The following SLCO2B1 variants were observed in gnomAD, a reference collection of about 807,000 sequenced individuals.
SLCO2B1 encodes the protein solute carrier organic anion transporter family member 2B1, also known as OATP-RP2.
SLCO2B1 carries 41 observed loss-of-function variants against 67.3 expected under a neutral mutation model. That is an observed-to-expected ratio of 0.61 (90% CI 0.47 to 0.79). The LOEUF (loss-of-function observed/expected upper bound fraction) is 0.79. SLCO2B1 is among the 30% of genes least tolerant of loss of function. The pLI is 0.00. For missense variants in SLCO2B1, 837 were observed against 920.1 expected (o/e 0.91, Z 1.17); for synonymous variants, 379 against 381.4 (o/e 0.99, Z 0.07).
At chr11:75,192,838 G>A (rs1945043200) in intron 8 of SLCO2B1, among the ~76,000 whole-genome samples, 3 of 152,152 alleles carry the variant, frequency 2.0e-5, no homozygotes, top group Admixed American at 2.0e-4. Context: ...TTGGGGCCTA[G>A]GGTTCGAGAG....
intron 1 of SLCO2B1, among the ~76,000 whole-genome samples, chr11:75,153,574 G>C (rs989510177): frequency 3.3e-5 from 5 of 152,194 alleles, no homozygotes; most frequent in African/African-American, 1.2e-4. Flanking sequence ...TTGCCCTTGT[G>C]GTTTCTCTTC....
chr11:75,196,463 G>A (rs770183338), intron 9 of SLCO2B1, 51 bp from the exon 10 acceptor site: 1 of 1,578,630 alleles, frequency 6.3e-7, no homozygotes, highest in African/African-American at 1.3e-5. Flanking sequence ...CCCAGCTAGT[G>A]GCCTAAGGGA....
In SLCO2B1 at chr11:75,193,578, GA is replaced by G. The variant is rs1338576116; in HGVS notation, c.1433+4del. The G allele has an allele frequency of 6.5e-7, 1 of 1,537,694 alleles. No individual in the cohort carries two copies. The highest frequency in any genetic ancestry group is 8.8e-7 in the Non-Finnish European group (1 of 1,142,126). On this transcript the variant is annotated splice_donor_region_variant and intron_variant, in intron 9 of 13. Coordinates refer to ENST00000289575, the MANE Select transcript of SLCO2B1 (RefSeq NM_007256.5). The surrounding 1 kb of genome is among the most constrained non-coding windows in gnomAD (Gnocchi z 4.2). ...GCGGGCATCACACACCAGACCAGGT[GA>G]GTGTGTGCGTGGGCACGTAAAGGCA...
intron 10 of SLCO2B1, among the ~76,000 whole-genome samples, chr11:75,197,363 A>G (rs1392312455): frequency 6.6e-6 from 1 of 152,262 alleles, no homozygotes; most frequent in East Asian, 1.9e-4. Flanking sequence ...CAGACATTCA[A>G]GAATGAATGG....
chr11:75,184,895 A>G (rs553706835), intron 7 of SLCO2B1, among the ~76,000 whole-genome samples: 1 of 152,294 alleles, frequency 6.6e-6, no homozygotes, highest in East Asian at 1.9e-4. Context: ...AATCTTCTCA[A>G]GGGACTCAAG....
rs1591816592 is a variant in SLCO2B1 at position 75,169,935 on chromosome 11, C to T, written c.781+171C>T. 11 of 600,158 alleles carry T rather than the reference C, an allele frequency of 1.8e-5. No homozygotes were observed. In the East Asian group the frequency reaches 2.8e-4, roughly 15 times the overall value. 37.2% of individuals were successfully genotyped at this position (600,158 alleles called of 1,614,324 possible). ...TCTCATCTGTGAGATAATCTCTGTC[C>T]TGTCTGTCTCCTAAAGCTGTGATCA... is the stretch of plus-strand genomic sequence containing the variant. On this transcript the variant is annotated intron_variant, in intron 6 of 13. Transcript: ENST00000289575.
chr11:75,175,076 A>G (rs1950007225), intron 7 of SLCO2B1, among the ~76,000 whole-genome samples: 1 of 152,210 alleles, frequency 6.6e-6, no homozygotes, highest in African/African-American at 2.4e-5. Context: ...CTGGCTCCCC[A>G]GCTGTGAACC....
chr11:75,166,299 A>C (rs1949891799), intron 4 of SLCO2B1, among the ~76,000 whole-genome samples: 1 of 152,196 alleles, frequency 6.6e-6, no homozygotes, highest in Non-Finnish European at 1.5e-5. Flanking sequence ...AGTGTCATAC[A>C]CTACTTACTA....
intron 4 of SLCO2B1, among the ~76,000 whole-genome samples, chr11:75,166,196 G>C (rs922079642): frequency 2.0e-5 from 3 of 152,124 alleles, no homozygotes; most frequent in Admixed American, 2.0e-4. Context: ...ATGTCACTGT[G>C]GGTTTTTTTA....
chr11:75,166,088 A>C lies in SLCO2B1; in HGVS notation c.448+139A>C, dbSNP rs1949888272. On this transcript the variant is annotated intron_variant, in intron 4 of 13. Coordinates refer to ENST00000289575, the MANE Select transcript of SLCO2B1 (RefSeq NM_007256.5). ...CCAGGACAGCTGCTAGTCCCCCCCCAACCTGGCTCCCCAGGCCCCAGCCCA... is the reference window on the plus strand; with the variant it reads ...CCAGGACAGCTGCTAGTCCCCCCCCCACCTGGCTCCCCAGGCCCCAGCCCA... The C allele has an allele frequency of 7.6e-6, 8 of 1,051,754 alleles. No homozygotes were observed. The Admixed American group carries it at 8.5e-5, about 11-fold the overall frequency. The allele number at this position is 1,051,754 out of a possible 1,614,324, so 65.2% of individuals were successfully genotyped here.
intron 7 of SLCO2B1, among the ~76,000 whole-genome samples, chr11:75,179,121 T>C (rs186194058): frequency 6.6e-6 from 1 of 152,240 alleles, no homozygotes; most frequent in African/African-American, 2.4e-5. Context: ...TACATTCTTT[T>C]ATTTGAAAAT....
chr11:75,164,190 A>G, intron 3 of SLCO2B1, 90 bp downstream of exon 3: 1 of 1,409,954 alleles, frequency 7.1e-7, no homozygotes, highest in Non-Finnish European at 9.5e-7. Flanking sequence ...CCCTACCTTA[A>G]GGCCTTCCCC....
Position 75,154,957 on chromosome 11 carries a change from G to A in SLCO2B1, c.16+3560G>A, listed in dbSNP as rs139415311. Among the ~76,000 whole-genome samples the A allele has an allele frequency of 1.9e-3, 292 of 152,298 alleles. 2 individuals carry two copies. In the Middle Eastern group the frequency reaches 0.027, roughly 14 times the overall value. ...ATAGCTGCCTATCTCTGAGCCTCTG[G>A]CTCCTTGTTTTAGGCATAGAGAGAC... On this transcript the variant is annotated intron_variant, in intron 1 of 13. Coordinates refer to ENST00000289575, the MANE Select transcript of SLCO2B1 (RefSeq NM_007256.5).
rs571964150 is a variant in SLCO2B1, at chr11:75,205,286, A to C, written c.*706A>C. 15 of 152,362 alleles carry C rather than the reference A, an allele frequency of 9.8e-5. No individual in the cohort carries two copies. The highest frequency in any genetic ancestry group is 3.1e-4 in the African/African-American group (13 of 41,578). 9.4% of individuals were successfully genotyped at this position (152,362 alleles called of 1,614,324 possible). On this transcript the variant is annotated 3_prime_UTR_variant, in exon 14 of 14. Coordinates refer to ENST00000289575, the MANE Select transcript of SLCO2B1 (RefSeq NM_007256.5). ...GGGGAGACTCACTCTCCATCTCAGG[A>C]AATTCTAGCCCTTGCCCTCAGGGAG...
At position 75,151,166 on chromosome 11, in the gene SLCO2B1, C is replaced by G. The variant is rs1005165633; in HGVS notation, c.-216C>G. The G allele has an allele frequency of 1.8e-6, 1 of 549,380 alleles. No homozygotes were observed. The highest frequency in any genetic ancestry group is 3.2e-5 in the Admixed American group (1 of 31,122). The allele number at this position is 549,380 out of a possible 1,614,324, so 34.0% of individuals were successfully genotyped here. Reference sequence around the variant, plus strand: ...GGAGATACTTGGGGCTGAGTTTGAGCAAGACTCCCTAACCTGTGTCTGGAC... The same window carrying G: ...GGAGATACTTGGGGCTGAGTTTGAGGAAGACTCCCTAACCTGTGTCTGGAC... On this transcript the variant is annotated 5_prime_UTR_variant, in exon 1 of 14. Coordinates refer to ENST00000289575, the MANE Select transcript of SLCO2B1 (RefSeq NM_007256.5).
chr11:75,191,215 C>T (rs1293045102), intron 8 of SLCO2B1, among the ~76,000 whole-genome samples: 2 of 152,090 alleles, frequency 1.3e-5, no homozygotes, highest in African/African-American at 4.8e-5. Flanking sequence ...TGGCCTTAAA[C>T]TGGCCTCTGG....
At chr11:75,151,447 C>A (rs1366161510) in intron 1 of SLCO2B1, 50 bp downstream of exon 1, 12 of 1,603,268 alleles carry the variant, frequency 7.5e-6, no homozygotes, top group Non-Finnish European at 9.4e-6. Flanking sequence ...GCCTGGGGGA[C>A]ATGTTCCCAG....
chr11:75,154,667 C>A (rs1157604120), intron 1 of SLCO2B1, among the ~76,000 whole-genome samples: 2 of 152,220 alleles, frequency 1.3e-5, no homozygotes, highest in East Asian at 3.9e-4. Context: ...CTGGACAAAT[C>A]TGTACTGAAG....
chr11:75,168,449 T>C (rs1163941762), intron 4 of SLCO2B1, among the ~76,000 whole-genome samples: 1 of 152,138 alleles, frequency 6.6e-6, no homozygotes, highest in Non-Finnish European at 1.5e-5. Context: ...TTTGGGATAA[T>C]AATAGTGTGA....
Sources: gnomAD v4.1 joint callset for allele counts (sites outside exome capture counted in the v4.1 genomes callset) on GRCh38, gnomAD v4.1.1 for gene constraint, Gnocchi (gnomAD v3.1) non-coding constraint, MANE v1.5 for transcripts, NCBI Gene and HGNC (gene_info 2026-07-23, HGNC 2026-07-21) for gene names.